PDLIM5: variants seen among roughly 807,000 people sequenced by gnomAD.
The protein encoded by PDLIM5 is PDZ and LIM domain 5, also known as PDZ and LIM domain protein 5.
PDLIM5 carries 34 observed loss-of-function variants against 64.2 expected under a neutral mutation model. That is an observed-to-expected ratio of 0.53 (90% CI 0.40 to 0.71). PDLIM5 has a LOEUF of 0.71. Among genes scored for constraint, PDLIM5 ranks in the 30% least tolerant of loss-of-function variants. The pLI, the probability that PDLIM5 is intolerant of heterozygous loss-of-function variation, is 0.00. For missense variants in PDLIM5, 683 were observed against 733.6 expected, an observed-to-expected ratio of 0.93 and a Z score of 0.80; for synonymous variants, 253 against 269.1, an observed-to-expected ratio of 0.94 and a Z score of 0.59.
chr4:94,502,596 G>T (rs903327109), intron 2 of PDLIM5, among the ~76,000 whole-genome samples: 1 of 152,168 alleles, frequency 6.6e-6, no homozygotes, highest in East Asian at 1.9e-4. Context: ...GTAAGTTAAG[G>T]CCGGGCGCAG....
intron 8 of PDLIM5, 23 bp downstream of exon 8, chr4:94,618,214 G>A (rs754758508): frequency 2.0e-5 from 30 of 1,521,334 alleles, no homozygotes; most frequent in Middle Eastern, 3.5e-4. Flanking sequence ...AATCTCTTGC[G>A]TCTTGCTTTT....
chr4:94,606,774 T>G (rs1258974939), intron 7 of PDLIM5, among the ~76,000 whole-genome samples: 1 of 152,226 alleles, frequency 6.6e-6, no homozygotes, highest in Non-Finnish European at 1.5e-5. Context: ...GGCCATATGG[T>G]CTGTCACAGT....
intron 2 of PDLIM5, among the ~76,000 whole-genome samples, chr4:94,466,581 A>AT (rs1553934654): frequency 6.6e-6 from 1 of 152,120 alleles, no homozygotes; most frequent in African/African-American, 2.4e-5. Context: ...CAAAAAAAAA[A>AT]TTTTATTATA....
intron 2 of PDLIM5, chr4:94,455,803 G>A (rs181290743): frequency 9.9e-6 from 15 of 1,508,648 alleles, no homozygotes; most frequent in Admixed American, 3.9e-5. Context: ...TGATTGTTTC[G>A]GAATTATTTC....
chr4:94,655,846 A>G (rs1465216072), intron 10 of PDLIM5, among the ~76,000 whole-genome samples: 3 of 152,170 alleles, frequency 2.0e-5, no homozygotes, highest in African/African-American at 7.2e-5. Flanking sequence ...TATTTTAGTT[A>G]TTTGATTACC....
intron 3 of PDLIM5, among the ~76,000 whole-genome samples, chr4:94,561,328 A>G (rs2110240067): frequency 6.6e-6 from 1 of 152,324 alleles, no homozygotes; most frequent in South Asian, 2.1e-4. Flanking sequence ...AGCTTATTCC[A>G]GTTAGACAAT....
intron 8 of PDLIM5, among the ~76,000 whole-genome samples, chr4:94,629,119 G>A (rs1406991940): frequency 6.6e-6 from 1 of 152,094 alleles, no homozygotes; most frequent in Non-Finnish European, 1.5e-5. Context: ...GGGAAGCCAA[G>A]GCTGGCAGAT....
At chr4:94,610,565 T>C (rs933231826) in intron 7 of PDLIM5, among the ~76,000 whole-genome samples, 5 of 152,220 alleles carry the variant, frequency 3.3e-5, no homozygotes, top group African/African-American at 4.8e-5. Context: ...TATTACATGT[T>C]GTGTGCTTAT....
At chr4:94,635,839 T>C (rs1247598689) in intron 8 of PDLIM5, among the ~76,000 whole-genome samples, 1 of 152,220 alleles carries the variant, frequency 6.6e-6, no homozygotes, top group Non-Finnish European at 1.5e-5. Context: ...AACATCACTT[T>C]GTTCATACGG....
At position 94,451,978 on chromosome 4, in the gene PDLIM5, CG is replaced by C. The variant is rs1398283827; in HGVS notation, c.-59del. Reference sequence around the variant, plus strand: ...CTTGTCTGAGGCGGAGGCAGCCCCGCGCCGCGCCGGACCCGAGGTGAGTGGC... The same window carrying C: ...CTTGTCTGAGGCGGAGGCAGCCCCGCCCGCGCCGGACCCGAGGTGAGTGGC... On this transcript the variant is annotated 5_prime_UTR_variant, in exon 1 of 13. Coordinates refer to ENST00000317968, the MANE Select transcript of PDLIM5 (RefSeq NM_006457.5). 1 of 152,272 alleles carries C rather than the reference CG, an allele frequency of 6.6e-6. No homozygotes were observed. The highest frequency in any genetic ancestry group is 1.5e-5 in the Non-Finnish European group (1 of 68,136). The allele number at this position is 152,272 out of a possible 1,614,324, so 9.4% of individuals were successfully genotyped here.
At chr4:94,607,135 T>C (rs1199999011) in intron 7 of PDLIM5, among the ~76,000 whole-genome samples, 3 of 152,160 alleles carry the variant, frequency 2.0e-5, no homozygotes, top group Non-Finnish European at 2.9e-5. Flanking sequence ...GTCTACGTTT[T>C]TTCAACACTC....
At chr4:94,547,308 T>C (rs1264586634) in intron 3 of PDLIM5, among the ~76,000 whole-genome samples, 1 of 152,132 alleles carries the variant, frequency 6.6e-6, no homozygotes, top group Non-Finnish European at 1.5e-5. Context: ...TGAAGATTCT[T>C]GGGGAGAATC....
At chr4:94,603,556 T>A (rs1237114411) in intron 7 of PDLIM5, among the ~76,000 whole-genome samples, 1 of 152,054 alleles carries the variant, frequency 6.6e-6, no homozygotes, top group Non-Finnish European at 1.5e-5. Flanking sequence ...GATGAGTAGA[T>A]GAGTTTATTA....
intron 2 of PDLIM5, among the ~76,000 whole-genome samples, chr4:94,477,837 A>G (rs1398446851): frequency 2.0e-5 from 3 of 152,148 alleles, no homozygotes; most frequent in African/African-American, 7.2e-5. Context: ...TCTCCTCCTC[A>G]GACTACTCCA....
intron 6 of PDLIM5, 26 bp from the exon 7 acceptor site, chr4:94,586,382 A>G (rs745878264): frequency 7.7e-7 from 1 of 1,295,816 alleles, no homozygotes; most frequent in East Asian, 2.3e-5. Context: ...ACAAACTAAT[A>G]TTGGATATTG....
chr4:94,533,941 A>AT (rs1203850449), intron 3 of PDLIM5, among the ~76,000 whole-genome samples: 1 of 152,198 alleles, frequency 6.6e-6, no homozygotes, highest in African/African-American at 2.4e-5. Context: ...CAAATGAGTG[A>AT]TTTTGGATCA....
chr4:94,650,322 G>A (rs767809666), intron 9 of PDLIM5, among the ~76,000 whole-genome samples: 3 of 152,034 alleles, frequency 2.0e-5, no homozygotes, highest in Non-Finnish European at 4.4e-5. Flanking sequence ...CTCACGCCAG[G>A]CCCTTCCTCA....
In PDLIM5 at chr4:94,667,279, G is replaced by A. The variant is rs1743122234; in HGVS notation, c.*3212G>A. 1 of 152,158 alleles carries A rather than the reference G, an allele frequency of 6.6e-6. No homozygotes were observed. The highest frequency in any genetic ancestry group is 1.5e-5 in the Non-Finnish European group (1 of 68,042). 9.4% of individuals were successfully genotyped at this position (152,158 alleles called of 1,614,324 possible). ...GCCTGCTGAAGTAGCAACCTAAAAA[G>A]TATCCCCTGCTTATGCTTGTCCAGT... On this transcript the variant is annotated 3_prime_UTR_variant, in exon 13 of 13. Transcript: ENST00000317968.
intron 2 of PDLIM5, among the ~76,000 whole-genome samples, chr4:94,498,302 T>A (rs1727589360): frequency 6.6e-6 from 1 of 152,230 alleles, no homozygotes. Context: ...TTAATAGAGA[T>A]GCTTTTGTGT....
Sources: allele counts gnomAD v4.1 joint callset (sites outside exome capture counted in the v4.1 genomes callset), GRCh38; gene constraint gnomAD v4.1.1; transcripts MANE v1.5; gene names NCBI Gene and HGNC (gene_info 2026-07-23, HGNC 2026-07-21).